The following TMPRSS6 variants were observed in gnomAD, a reference collection of about 807,000 sequenced individuals.
The protein encoded by TMPRSS6 is transmembrane protease serine 6.
In TMPRSS6, 67 loss-of-function variants were observed where a neutral mutation model predicts 101.5. That is an observed-to-expected ratio of 0.66 (90% CI 0.54 to 0.81). The LOEUF is 0.81. Ranked by LOEUF, TMPRSS6 falls within the 30% of genes least tolerant of loss-of-function variation. TMPRSS6 has a pLI of 0.00. For synonymous variants in TMPRSS6, 453 were observed against 464.9 expected (o/e 0.97, Z 0.33); for missense variants, 1,034 against 1,088.7 (o/e 0.95, Z 0.71).
chr22:37,070,867 A>C, intron 14 of TMPRSS6, 49 bp downstream of exon 14: 1 of 1,564,144 alleles, frequency 6.4e-7, no homozygotes, highest in Non-Finnish European at 8.8e-7. Context: ...TGCTGTGGGC[A>C]CCCCCTCCCT....
intron 13 of TMPRSS6, among the ~76,000 whole-genome samples, chr22:37,071,842 A>C (rs1466077570): frequency 3.3e-5 from 5 of 152,180 alleles, no homozygotes; most frequent in Non-Finnish European, 5.9e-5. Context: ...AAACGTGTGG[A>C]TATAAGGACC....
At chr22:37,070,808 G>T in intron 14 of TMPRSS6, 108 bp downstream of exon 14, 1 of 1,318,174 alleles carries the variant, frequency 7.6e-7, no homozygotes, top group Non-Finnish European at 1.1e-6. Flanking sequence ...GGCAGAGGAT[G>T]AGATAGAGAG....
rs228905 is a variant in TMPRSS6 at position 37,099,623 on chromosome 22, T to C, written c.203-1074A>G. Among the ~76,000 whole-genome samples the C allele has an allele frequency of 3.1e-4, 47 of 152,276 alleles. 1 individual carries two copies. The highest frequency in any genetic ancestry group is 1.1e-3 in the African/African-American group (45 of 41,548). ...AGAACTATCAAGAAAAAACTGCCCT[T>C]AATAGCTTGTAGACTAGCAAGGAAT... On this transcript the variant is annotated intron_variant, in intron 2 of 17. Transcript: ENST00000676104.
chr22:37,103,499 G>A lies in TMPRSS6; in HGVS notation c.-1-81C>T. 3.1e-6 allele frequency: 5 copies of A among 1,614,224 alleles called. No individual in the cohort carries two copies. Among genetic ancestry groups the A allele is most frequent in the Non-Finnish European group, 4.2e-6 (5 of 1,180,038 alleles). ...TGCTGAGCACCGGTGGGGCACGGAA[G>A]CAGGACTTCCCTGCCTTTTGGAGTG... is the stretch of plus-strand genomic sequence containing the variant. On this transcript the variant is annotated intron_variant, in intron 1 of 17. Transcript: ENST00000676104. The surrounding 1 kb of genome is among the most constrained non-coding windows in gnomAD (Gnocchi z 4.4).
At chr22:37,078,265 G>T (rs781446470) in intron 10 of TMPRSS6, among the ~76,000 whole-genome samples, 1 of 152,206 alleles carries the variant, frequency 6.6e-6, no homozygotes, top group Non-Finnish European at 1.5e-5. Context: ...CACCCTAGAA[G>T]CAACTGCGTT....
chr22:37,094,522 GCAGA>G (rs1929578090), intron 6 of TMPRSS6, among the ~76,000 whole-genome samples: 1 of 123,468 alleles, frequency 8.1e-6, no homozygotes, highest in South Asian at 2.3e-4. Flanking sequence ...AGATAGACAA[GCAGA>G]CAGATATCAA....
intron 2 of TMPRSS6, 101 bp from the exon 3 acceptor site, chr22:37,098,650 TCA>T: frequency 6.4e-7 from 1 of 1,551,160 alleles, no homozygotes; most frequent in South Asian, 1.1e-5. Context: ...CAGCTCAGCC[TCA>T]GTGTCTTGGG....
At chr22:37,095,646 A>G in intron 5 of TMPRSS6, 54 bp from the exon 6 acceptor site, 2 of 1,476,370 alleles carry the variant, frequency 1.4e-6, no homozygotes. Context: ...AAAAAAAAAG[A>G]AAAGAAAATA....
intron 2 of TMPRSS6, among the ~76,000 whole-genome samples, chr22:37,100,097 A>G (rs1930173356): frequency 6.6e-6 from 1 of 152,136 alleles, no homozygotes; most frequent in African/African-American, 2.4e-5. Context: ...CCTCGCAAGT[A>G]GCTGGGATTA....
chr22:37,105,387 G>A (rs776723512), intron 1 of TMPRSS6, among the ~76,000 whole-genome samples: 4 of 152,186 alleles, frequency 2.6e-5, no homozygotes, highest in Admixed American at 6.5e-5. Context: ...GGACAGCCCC[G>A]CCCACTTCCT....
chr22:37,089,710 C>G lies in TMPRSS6; in HGVS notation c.704G>C (p.Ser235Thr), dbSNP rs1457484653. The change falls in exon 7 of 18, where the codon AGC (serine) becomes ACC (threonine). Residue 235 changes from serine to threonine, a missense_variant. Coordinates refer to ENST00000676104, the MANE Select transcript of TMPRSS6 (RefSeq NM_001374504.1). ...GGGGCCCTGCAGGTGCCACAGGCAG[C>G]TGGAGGCCAGGTGGTCAGGCCCCTT... ...RLKGPDHLASSCLWHLQGPKD... is the reference protein window; with the variant it reads ...RLKGPDHLASTCLWHLQGPKD... 6.2e-7 allele frequency: 1 copy of G among 1,611,902 alleles called. No homozygotes were observed. Among genetic ancestry groups the G allele is most frequent in the Non-Finnish European group, 8.5e-7 (1 of 1,179,270 alleles).
chr22:37,099,615 A>T (rs917451184), intron 2 of TMPRSS6, among the ~76,000 whole-genome samples: 1 of 152,152 alleles, frequency 6.6e-6, no homozygotes, highest in South Asian at 2.1e-4. Context: ...TCAAGAAAAA[A>T]CTGCCCTTAA....
At chr22:37,067,769 G>A (rs1385541693) in intron 16 of TMPRSS6, among the ~76,000 whole-genome samples, 1 of 76,970 alleles carries the variant, frequency 1.3e-5, no homozygotes, top group Non-Finnish European at 2.5e-5. Context: ...ATGGTTCTAA[G>A]GTGCAGGTAG....
At chr22:37,077,071 T>C (rs996356742) in intron 10 of TMPRSS6, among the ~76,000 whole-genome samples, 2 of 152,240 alleles carry the variant, frequency 1.3e-5, no homozygotes, top group African/African-American at 4.8e-5. Flanking sequence ...TTTGAGGCTG[T>C]TTTAACATCT....
intron 2 of TMPRSS6, among the ~76,000 whole-genome samples, chr22:37,099,195 CTG>C (rs937508688): frequency 1.2e-4 from 19 of 152,144 alleles, no homozygotes; most frequent in Admixed American, 3.9e-4. Context: ...GATGGGGAAA[CTG>C]TAAATTGGTA....
chr22:37,070,492 C>T lies in TMPRSS6; in HGVS notation c.1833G>A (p.Gln611=), dbSNP rs1404339379. 6.2e-7 allele frequency: 1 copy of T among 1,613,516 alleles called. No individual in the cohort carries two copies. Residue 611 remains glutamine (Q), a synonymous_variant, in exon 15 of 18, where the codon CAG becomes CAA. Coordinates refer to ENST00000676104, the MANE Select transcript of TMPRSS6 (RefSeq NM_001374504.1). ...CACACCCTCCCGCTCACCTGTCCTCCTGGAAGCAGTGGGCAGCTGTTATCA... is the reference window on the plus strand; with the variant it reads ...CACACCCTCCCGCTCACCTGTCCTCTTGGAAGCAGTGGGCAGCTGTTATCA... ...RWVITAAHCF[Q]EDSMASTVLW...
intron 6 of TMPRSS6, 125 bp downstream of exon 6, chr22:37,095,425 TG>T: frequency 1.7e-6 from 2 of 1,206,566 alleles, no homozygotes; most frequent in Non-Finnish European, 2.4e-6. Flanking sequence ...TGGCATCCCC[TG>T]GGTGACTCTT....
chr22:37,080,327 G>A (rs1357422314), intron 10 of TMPRSS6: 1 of 152,314 alleles, frequency 6.6e-6, no homozygotes, highest in African/African-American at 2.4e-5. Flanking sequence ...AGGATGCTTA[G>A]TCCATGGGGG....
Position 37,069,371 on chromosome 22 carries a change from TG to T in TMPRSS6, c.1842-28del, listed in dbSNP as rs1555886636. On this transcript the variant is annotated intron_variant, in intron 15 of 17. Coordinates refer to ENST00000676104, the MANE Select transcript of TMPRSS6 (RefSeq NM_001374504.1). This position sits in a 1 kb window ranked among gnomAD's most constrained non-coding sequence, Gnocchi z 4.8. ...TGGGGTGGGGTGGGGTGGGGTGGGG[TG>T]GGGTGAGGTGAGGTGGGAGGAAGCT... 2 of 192,562 alleles carry T rather than the reference TG, an allele frequency of 1.0e-5. No homozygotes were observed. The highest frequency in any genetic ancestry group is 5.7e-5 in the African/African-American group (1 of 17,514). The allele number at this position is 192,562 out of a possible 1,614,324, so 11.9% of individuals were successfully genotyped here. A position where few individuals can be genotyped will look rare whatever the true frequency, so the allele number is the denominator to read the frequency against.
Sources: allele counts gnomAD v4.1 joint callset (sites outside exome capture counted in the v4.1 genomes callset), GRCh38; gene constraint gnomAD v4.1.1; non-coding constraint Gnocchi (gnomAD v3.1); transcripts MANE v1.5; gene names NCBI Gene and HGNC (gene_info 2026-07-23, HGNC 2026-07-21).